CCNY: variants seen among roughly 807,000 people sequenced by gnomAD.
CCNY encodes cyclin-Y.
In CCNY, 19 loss-of-function variants were observed where a neutral mutation model predicts 42.8. That is an observed-to-expected ratio of 0.44 (90% CI 0.31 to 0.65). CCNY has a LOEUF of 0.65. CCNY is among the 30% of genes least tolerant of loss of function. CCNY has a pLI of 0.07. For synonymous variants in CCNY, 165 were observed against 162.7 expected (o/e 1.01, Z -0.11); for missense variants, 370 against 437.3 (o/e 0.85, Z 1.37).
chr10:35,336,554 T>TGCGCCCACGCCCGCTGCCC lies in CCNY; in HGVS notation c.-497_-479dup, dbSNP rs1328001609. ...ACCGCGCCGCGAGGAGTCCGGGGGC[T>TGCGCCCACGCCCGCTGCCC]GCGCCCACGCCCGCTGCCCGCCCGC... On this transcript the variant is annotated 5_prime_UTR_variant, in exon 1 of 10. Transcript: ENST00000374704. Among the ~76,000 whole-genome samples the TGCGCCCACGCCCGCTGCCC allele has an allele frequency of 1.3e-5, 2 of 148,564 alleles. No individual in the cohort carries two copies. The highest frequency in any genetic ancestry group is 4.9e-5 in the African/African-American group (2 of 40,966).
At chr10:35,247,427 G>A (rs897702390) in intron 1 of CCNY, among the ~76,000 whole-genome samples, 1 of 151,772 alleles carries the variant, frequency 6.6e-6, no homozygotes, top group African/African-American at 2.4e-5. Context: ...TCTACAAAAA[G>A]TTTAAAAATT....
intron 3 of CCNY, among the ~76,000 whole-genome samples, chr10:35,508,438 A>G (rs944285027): frequency 5.9e-5 from 9 of 152,228 alleles, no homozygotes; most frequent in Admixed American, 1.3e-4. Flanking sequence ...TTTCTGGCAC[A>G]ATAAGATATT....
chr10:35,547,024 C>G (rs1308922622), intron 7 of CCNY, among the ~76,000 whole-genome samples: 1 of 152,104 alleles, frequency 6.6e-6, no homozygotes, highest in African/African-American at 2.4e-5. Context: ...GGCCCAGTCC[C>G]TGTTTTCTGC....
intron 1 of CCNY, among the ~76,000 whole-genome samples, chr10:35,412,678 C>G (rs1837933768): frequency 6.9e-6 from 1 of 145,730 alleles, no homozygotes; most frequent in African/African-American, 2.6e-5. Context: ...CGGTGAAACT[C>G]TGTCTCTACT....
intron 3 of CCNY, among the ~76,000 whole-genome samples, chr10:35,293,070 G>A (rs1194948037): frequency 5.3e-5 from 8 of 152,102 alleles, no homozygotes; most frequent in Admixed American, 1.3e-4. Context: ...GTGAGCCACC[G>A]TGCCCGGCCT....
chr10:35,262,322 CATTTT>C (rs144902785), intron 3 of CCNY, among the ~76,000 whole-genome samples: 5,319 of 110,294 alleles, frequency 0.048, 203 homozygotes, highest in African/African-American at 0.1. Flanking sequence ...CAACATGAGT[CATTTT>C]ATTTTATTTT....
intron 3 of CCNY, among the ~76,000 whole-genome samples, chr10:35,252,439 G>A (rs1289116354): frequency 1.1e-4 from 16 of 151,824 alleles, no homozygotes; most frequent in African/African-American, 2.9e-4. Flanking sequence ...GGTGGCTGGC[G>A]CCTGTAGTCC....
At chr10:35,401,118 A>G (rs1284412877) in intron 1 of CCNY, among the ~76,000 whole-genome samples, 1 of 152,254 alleles carries the variant, frequency 6.6e-6, no homozygotes, top group African/African-American at 2.4e-5. Flanking sequence ...GTCGAGCATC[A>G]GCAGTTCCTA....
intron 1 of CCNY, among the ~76,000 whole-genome samples, chr10:35,414,572 G>A (rs191386048): frequency 3.9e-4 from 59 of 152,294 alleles, no homozygotes; most frequent in Non-Finnish European, 1.5e-4. Flanking sequence ...TTAGGAAAGG[G>A]GATTACATAA....
At chr10:35,414,676 G>A (rs959506892) in intron 1 of CCNY, among the ~76,000 whole-genome samples, 7 of 152,210 alleles carry the variant, frequency 4.6e-5, no homozygotes, top group Non-Finnish European at 7.3e-5. Flanking sequence ...TCTTGTAATC[G>A]TGAGACTTTT....
intron 1 of CCNY, among the ~76,000 whole-genome samples, chr10:35,449,981 G>A (rs1245999657): frequency 6.6e-6 from 1 of 152,150 alleles, no homozygotes; most frequent in African/African-American, 2.4e-5. Context: ...CAGCTGCTTG[G>A]GGCAGAGGAG....
At chr10:35,490,025 G>C (rs1589155361) in intron 2 of CCNY, among the ~76,000 whole-genome samples, 1 of 152,126 alleles carries the variant, frequency 6.6e-6, no homozygotes, top group East Asian at 1.9e-4. Flanking sequence ...ATGTCCCTCT[G>C]TCGCCGCAGA....
At chr10:35,548,453 A>G (rs1841166317) in intron 7 of CCNY, among the ~76,000 whole-genome samples, 1 of 151,826 alleles carries the variant, frequency 6.6e-6, no homozygotes, top group South Asian at 2.1e-4. Flanking sequence ...CGCGTACACC[A>G]TGCCCAGCTA....
chr10:35,570,758 A>G lies in CCNY; in HGVS notation c.*1588A>G, dbSNP rs1437402538. 6 of 152,440 alleles carry G rather than the reference A, an allele frequency of 3.9e-5. No homozygotes were observed. The South Asian group carries it at 6.2e-4, about 16-fold the overall frequency. 9.4% of individuals were successfully genotyped at this position (152,440 alleles called of 1,614,324 possible). Reference sequence around the variant, plus strand: ...GATCCCCAAACATTGCCTGCTCTCAATGAAACATGCTTTGGAAATGGAAGG... The same window carrying G: ...GATCCCCAAACATTGCCTGCTCTCAGTGAAACATGCTTTGGAAATGGAAGG... On this transcript the variant is annotated 3_prime_UTR_variant, in exon 10 of 10. Transcript: ENST00000374704.
chr10:35,446,030 T>C (rs1278712905), intron 1 of CCNY, among the ~76,000 whole-genome samples: 2 of 152,214 alleles, frequency 1.3e-5, no homozygotes, highest in Non-Finnish European at 2.9e-5. Flanking sequence ...CTATTAAAAA[T>C]AACCAGAGTA....
At chr10:35,359,131 G>A (rs1836624907) in intron 1 of CCNY, among the ~76,000 whole-genome samples, 1 of 152,176 alleles carries the variant, frequency 6.6e-6, no homozygotes, top group African/African-American at 2.4e-5. Flanking sequence ...GTACTTCTTT[G>A]GACTTGTAGT....
At chr10:35,426,737 A>G (rs1295328957) in intron 1 of CCNY, among the ~76,000 whole-genome samples, 1 of 152,246 alleles carries the variant, frequency 6.6e-6, no homozygotes, top group Non-Finnish European at 1.5e-5. Context: ...AACATAAAAC[A>G]TTAACTTGAG....
chr10:35,325,802 G>A (rs755039096), intron 3 of CCNY, among the ~76,000 whole-genome samples: 4 of 152,144 alleles, frequency 2.6e-5, no homozygotes. Flanking sequence ...ACTTTGGTCA[G>A]GCCTGGTGGT....
At chr10:35,533,109 A>G (rs1805546715) in intron 7 of CCNY, among the ~76,000 whole-genome samples, 1 of 152,136 alleles carries the variant, frequency 6.6e-6, no homozygotes, top group Non-Finnish European at 1.5e-5. Context: ...GGGATGTGGC[A>G]GGACAGTATT....
Sources: gnomAD v4.1 joint callset for allele counts (sites outside exome capture counted in the v4.1 genomes callset) on GRCh38, gnomAD v4.1.1 for gene constraint, MANE v1.5 for transcripts, NCBI Gene and HGNC (gene_info 2026-07-23, HGNC 2026-07-21) for gene names.